PPIL3: variants seen among roughly 807,000 people sequenced by gnomAD.
The protein encoded by PPIL3 is peptidyl-prolyl cis-trans isomerase-like 3.
In PPIL3, 13 loss-of-function variants were observed where a neutral mutation model predicts 20.9. That is an observed-to-expected ratio of 0.62 (90% CI 0.40 to 0.99). PPIL3 has a LOEUF of 0.99. Ranked by LOEUF, PPIL3 falls within the 50% of genes least tolerant of loss-of-function variation. The pLI, the probability that PPIL3 is intolerant of heterozygous loss-of-function variation, is 0.00. For missense variants in PPIL3, 170 were observed against 195.2 expected (o/e 0.87, Z 0.77); for synonymous variants, 71 against 64.4 (o/e 1.10, Z -0.49).
chr2:200,882,651 G>GAT (rs2039774895), intron 3 of PPIL3, among the ~76,000 whole-genome samples: 1 of 152,034 alleles, frequency 6.6e-6, no homozygotes, highest in African/African-American at 2.4e-5. Flanking sequence ...GGCTAACGCC[G>GAT]GTAATCCCAG....
In PPIL3 at chr2:200,871,249, G is replaced by C; in HGVS notation, c.*146C>G. 1.5e-6 allele frequency: 1 copy of C among 685,786 alleles called. No homozygotes were observed. The highest frequency in any genetic ancestry group is 2.3e-6 in the Non-Finnish European group (1 of 435,708). 42.5% of individuals were successfully genotyped at this position (685,786 alleles called of 1,614,324 possible). ...TAAGAATGGGGATAAAAGCTGTTGGGCGCCCCTTGGTACCACCATTTCATA... is the reference window on the plus strand; with the variant it reads ...TAAGAATGGGGATAAAAGCTGTTGGCCGCCCCTTGGTACCACCATTTCATA... On this transcript the variant is annotated 3_prime_UTR_variant, in exon 7 of 7. Coordinates refer to ENST00000392283, the MANE Select transcript of PPIL3 (RefSeq NM_130906.3).
chr2:200,876,318 GA>G (rs2039514010), intron 6 of PPIL3, among the ~76,000 whole-genome samples: 1 of 150,662 alleles, frequency 6.6e-6, no homozygotes, highest in East Asian at 1.9e-4. Flanking sequence ...CTCAAAAAAA[GA>G]AAAAGAAAAA....
chr2:200,885,845 G>A, intron 2 of PPIL3, 73 bp from the exon 3 acceptor site: 1 of 880,066 alleles, frequency 1.1e-6, no homozygotes, highest in Non-Finnish European at 1.8e-6. Flanking sequence ...ATTTCCCTGT[G>A]TGGATATTCA....
chr2:200,884,220 T>C (rs1396310184), intron 3 of PPIL3, among the ~76,000 whole-genome samples: 3 of 152,066 alleles, frequency 2.0e-5, no homozygotes, highest in Admixed American at 6.6e-5. Flanking sequence ...CTGATCAACA[T>C]GGTGAAACCC....
chr2:200,883,540 G>A (rs2039816382), intron 3 of PPIL3, among the ~76,000 whole-genome samples: 1 of 151,224 alleles, frequency 6.6e-6, no homozygotes, highest in African/African-American at 2.4e-5. Context: ...GATCACTTGA[G>A]TCCAGGAGTT....
intron 4 of PPIL3, 75 bp from the exon 5 acceptor site, chr2:200,881,563 G>A: frequency 2.4e-6 from 3 of 1,269,162 alleles, no homozygotes; most frequent in East Asian, 2.4e-5. Context: ...AAAACTTAAG[G>A]AATACTTTAT....
intron 4 of PPIL3, among the ~76,000 whole-genome samples, chr2:200,881,997 C>A (rs2039748733): frequency 6.6e-6 from 1 of 152,180 alleles, no homozygotes; most frequent in Non-Finnish European, 1.5e-5. Context: ...ACCGCATATT[C>A]TCACTCATAA....
At chr2:200,887,570 A>C in intron 2 of PPIL3, 43 bp downstream of exon 2, 1 of 1,478,264 alleles carries the variant, frequency 6.8e-7, no homozygotes, top group South Asian at 1.2e-5. Context: ...TCTAAAAATT[A>C]CTTATAATGA....
upstream of PPIL3, chr2:200,889,258 G>A (rs528260078): frequency 2.0e-4 from 68 of 346,242 alleles, no homozygotes; most frequent in South Asian, 8.2e-4. Context: ...GCAACCTCAA[G>A]CAATGCTTTA....
rs900946360 is a variant in PPIL3 at position 200,885,495 on chromosome 2, G to A, written c.78+203C>T. ...AGATACTGGCTACTCTATCGTTACC[G>A]AAAAATTATCTACGTTCTCTTTGAT... On this transcript the variant is annotated intron_variant, in intron 3 of 6. Coordinates refer to ENST00000392283, the MANE Select transcript of PPIL3 (RefSeq NM_130906.3). The A allele has an allele frequency of 2.5e-5, 13 of 512,586 alleles. No homozygotes were observed. The East Asian group carries it at 2.7e-4, about 11-fold the overall frequency. 31.8% of individuals were successfully genotyped at this position (512,586 alleles called of 1,614,324 possible).
chr2:200,881,769 T>TA, intron 4 of PPIL3: 1 of 416,090 alleles, frequency 2.4e-6, no homozygotes, highest in Non-Finnish European at 4.3e-6. Context: ...GGGGCCACAC[T>TA]AATCTTCTCT....
Position 200,881,446 on chromosome 2 carries a change from T to C in PPIL3, c.215A>G (p.Glu72Gly), listed in dbSNP as rs1428733737. The change falls in exon 5 of 7, where the codon GAG becomes GGG. Residue 72 changes from glutamate to glycine, a missense_variant. Physicochemically the swap from Glu to Gly is moderately conservative, Grantham distance 98. Transcript: ENST00000392283. ...GGNSIWGKKF[E>G]DEYSEYLKHN... ...CTTAAGATATTCACTGTATTCATCC[T>C]CAAACTTCTTGCCCCAAATACTGTT... is the stretch of plus-strand genomic sequence containing the variant. 2.5e-6 allele frequency: 4 copies of C among 1,613,536 alleles called. No individual in the cohort carries two copies. The highest frequency in any genetic ancestry group is 3.4e-6 in the Non-Finnish European group (4 of 1,179,748).
intron 6 of PPIL3, among the ~76,000 whole-genome samples, chr2:200,871,869 C>G (rs1251369009): frequency 6.6e-6 from 1 of 152,192 alleles, no homozygotes; most frequent in Non-Finnish European, 1.5e-5. Flanking sequence ...TTTCATACTT[C>G]CAACACCAAA....
intron 3 of PPIL3, chr2:200,885,319 C>T (rs1329934847): frequency 2.2e-5 from 8 of 356,530 alleles, no homozygotes; most frequent in East Asian, 1.6e-4. Flanking sequence ...TGCAGTGAGC[C>T]GAGATCGCGC....
intron 5 of PPIL3, among the ~76,000 whole-genome samples, chr2:200,880,833 CAA>C (rs556071946): frequency 5.3e-5 from 6 of 112,792 alleles, no homozygotes; most frequent in Admixed American, 8.8e-5. Context: ...TAATTTTAGA[CAA>C]AAAAAAAAAA....
At chr2:200,874,043 A>C (rs1315185524) in intron 6 of PPIL3, among the ~76,000 whole-genome samples, 2 of 146,484 alleles carry the variant, frequency 1.4e-5, no homozygotes, top group African/African-American at 2.4e-5. Flanking sequence ...GTCTCTACTA[A>C]AAATACAAAA....
chr2:200,871,643 T>C (rs139470259), intron 6 of PPIL3, 122 bp from the exon 7 acceptor site: 24 of 808,760 alleles, frequency 3.0e-5, no homozygotes, highest in Middle Eastern at 7.5e-4. Context: ...AGTTCTCTAG[T>C]TGAATGTACA....
At chr2:200,876,880 A>G (rs757291356) in intron 6 of PPIL3, 39 bp downstream of exon 6, 157 of 1,437,018 alleles carry the variant, frequency 1.1e-4, no homozygotes, top group Admixed American at 2.0e-4. Context: ...CACCACTTGC[A>G]TTGAAATGCT....
chr2:200,883,618 A>G (rs1012119328), intron 3 of PPIL3, among the ~76,000 whole-genome samples: 3 of 152,064 alleles, frequency 2.0e-5, no homozygotes, highest in Non-Finnish European at 4.4e-5. Flanking sequence ...ATAAATGAAA[A>G]TAATTTCTTA....
Sources: allele counts gnomAD v4.1 joint callset (sites outside exome capture counted in the v4.1 genomes callset), GRCh38; gene constraint gnomAD v4.1.1; transcripts MANE v1.5; gene names NCBI Gene and HGNC (gene_info 2026-07-23, HGNC 2026-07-21).